DCLK1: variants seen among roughly 807,000 people sequenced by gnomAD.
DCLK1 encodes serine/threonine-protein kinase DCLK1.
Under a neutral mutation model 86.2 loss-of-function variants are expected in DCLK1, and 16 were observed. The observed-to-expected ratio is 0.19, with a 90% CI of 0.13 to 0.28. DCLK1 has a LOEUF of 0.28. DCLK1 is among the 10% of genes least tolerant of loss of function. The pLI is 1.00. For synonymous variants in DCLK1, 369 were observed against 370.5 expected (o/e 1.00, Z 0.05); for missense variants, 590 against 940.2 (o/e 0.63, Z 4.87).
At chr13:35,836,879 A>G (rs1869424139) in intron 7 of DCLK1, among the ~76,000 whole-genome samples, 1 of 152,254 alleles carries the variant, frequency 6.6e-6, no homozygotes, top group African/African-American at 2.4e-5. Flanking sequence ...ATCTAAGGCC[A>G]TAAAACTAAA....
rs11297157 is a variant in DCLK1 at position 36,108,075 on chromosome 13, TAAA to T, written c.723+3791_723+3793del. Among the ~76,000 whole-genome samples, 160 of 148,530 alleles carry T rather than the reference TAAA, an allele frequency of 1.1e-3. 4 individuals carry two copies. The East Asian group carries it at 0.02, about 19-fold the overall frequency. ...GAGGTCTTTAACCAAGGCCCAGATT[TAAA>T]AAAAAAAAAAATGCATCACTGAAAT... On this transcript the variant is annotated intron_variant, in intron 3 of 16. Coordinates refer to ENST00000360631, the MANE Select transcript of DCLK1 (RefSeq NM_001330071.2).
intron 4 of DCLK1, among the ~76,000 whole-genome samples, chr13:35,906,374 A>T (rs1938029730): frequency 6.6e-6 from 1 of 152,136 alleles, no homozygotes; most frequent in Non-Finnish European, 1.5e-5. Flanking sequence ...AATGTCTGTT[A>T]AATGAATAGA....
chr13:36,125,051 G>A (rs184861426), intron 2 of DCLK1, among the ~76,000 whole-genome samples: 11 of 152,198 alleles, frequency 7.2e-5, no homozygotes, highest in Non-Finnish European at 1.3e-4. Context: ...GGCTGCATCC[G>A]TGGACGCAAA....
At chr13:36,054,557 C>A (rs1288832460) in intron 3 of DCLK1, among the ~76,000 whole-genome samples, 1 of 151,986 alleles carries the variant, frequency 6.6e-6, no homozygotes, top group Non-Finnish European at 1.5e-5. Context: ...AACAACCAAC[C>A]AAACAAACAG....
chr13:36,100,179 C>CAAAAAAAAAAAAAA (rs58824322), intron 3 of DCLK1, among the ~76,000 whole-genome samples: 2 of 37,702 alleles, frequency 5.3e-5, no homozygotes, highest in Non-Finnish European at 8.6e-5. Context: ...CCTGTCTCTA[C>CAAAAAAAAAAAAAA]AAAAAAAAAA....
intron 3 of DCLK1, among the ~76,000 whole-genome samples, chr13:36,068,050 A>G (rs1340965219): frequency 6.6e-6 from 1 of 152,248 alleles, no homozygotes; most frequent in Non-Finnish European, 1.5e-5. Flanking sequence ...TTAAGTATTA[A>G]GAACATAACC....
intron 4 of DCLK1, among the ~76,000 whole-genome samples, chr13:35,906,724 G>C (rs1020284262): frequency 6.6e-6 from 1 of 152,160 alleles, no homozygotes; most frequent in African/African-American, 2.4e-5. Context: ...GGAAATCACT[G>C]AAGAGTTATT....
intron 3 of DCLK1, among the ~76,000 whole-genome samples, chr13:35,962,128 A>G (rs1178629887): frequency 1.3e-5 from 2 of 152,160 alleles, no homozygotes; most frequent in South Asian, 2.1e-4. Context: ...ATTTTTTGCA[A>G]TATCTCAGTG....
chr13:35,837,899 C>T (rs1260363235), intron 7 of DCLK1, among the ~76,000 whole-genome samples: 1 of 151,796 alleles, frequency 6.6e-6, no homozygotes, highest in African/African-American at 2.4e-5. Context: ...AATCCCATTT[C>T]TACTAAAAAT....
rs537433476 is a variant in DCLK1 at position 35,853,314 on chromosome 13, G to A, written c.1035+1185C>T. ...AATGGAGACCCAGAAAAGATAATAG[G>A]CTTATCTAAGATACCACGGCCATTT... On this transcript the variant is annotated intron_variant, in intron 6 of 16. Transcript: ENST00000360631. Among the ~76,000 whole-genome samples, 48 of 152,256 alleles carry A rather than the reference G, an allele frequency of 3.2e-4. 1 individual carries two copies. The highest frequency in any genetic ancestry group is 2.5e-3 in the South Asian group (12 of 4,824).
At chr13:36,113,067 A>G (rs1461085482) in intron 2 of DCLK1, among the ~76,000 whole-genome samples, 1 of 152,246 alleles carries the variant, frequency 6.6e-6, no homozygotes, top group African/African-American at 2.4e-5. Flanking sequence ...TTGAAATTAA[A>G]GATTTTGTAA....
intron 3 of DCLK1, among the ~76,000 whole-genome samples, chr13:35,994,956 C>T (rs916390315): frequency 2.3e-4 from 35 of 152,176 alleles, no homozygotes; most frequent in Non-Finnish European, 1.6e-4. Flanking sequence ...CATTAAGGTT[C>T]ATTCAAAAGC....
At chr13:35,998,895 T>C (rs747092559) in intron 3 of DCLK1, among the ~76,000 whole-genome samples, 30 of 152,074 alleles carry the variant, frequency 2.0e-4, no homozygotes, top group Non-Finnish European at 3.8e-4. Context: ...CCAAAATATA[T>C]GAGAATAAGA....
chr13:35,809,041 C>T lies in DCLK1; in HGVS notation c.1743G>A (p.Leu581=). ...ACCCACGGAATGGAGGGAAACCACA[C>T]AGCAGGATATAAGTGATTACACCTG... ...WAAGVITYIL[L]CGFPPFRGSG... Residue 581 remains leucine, a synonymous_variant, in exon 13 of 17, where the codon CTG becomes CTA. Coordinates refer to ENST00000360631, the MANE Select transcript of DCLK1 (RefSeq NM_001330071.2). 6.2e-7 allele frequency: 1 copy of T among 1,612,274 alleles called. No homozygotes were observed. The highest frequency in any genetic ancestry group is 8.5e-7 in the Non-Finnish European group (1 of 1,178,852).
chr13:36,003,183 A>G (rs886976628), intron 3 of DCLK1, among the ~76,000 whole-genome samples: 3 of 152,162 alleles, frequency 2.0e-5, no homozygotes, highest in African/African-American at 7.2e-5. Context: ...TGTGAGCTAA[A>G]TTTTCCAGGC....
intron 3 of DCLK1, among the ~76,000 whole-genome samples, chr13:36,075,597 T>G (rs1276520989): frequency 6.6e-6 from 1 of 152,240 alleles, no homozygotes; most frequent in Non-Finnish European, 1.5e-5. Flanking sequence ...ACTTCTTTAC[T>G]GGAGAGCCTA....
chr13:35,834,675 G>A (rs552451830), intron 8 of DCLK1, among the ~76,000 whole-genome samples: 7 of 152,240 alleles, frequency 4.6e-5, no homozygotes, highest in Non-Finnish European at 8.8e-5. Flanking sequence ...TGGCACAAAT[G>A]TGCCAAATGG....
At chr13:36,080,876 T>C (rs1227181127) in intron 3 of DCLK1, among the ~76,000 whole-genome samples, 1 of 152,078 alleles carries the variant, frequency 6.6e-6, no homozygotes, top group African/African-American at 2.4e-5. Flanking sequence ...CATTTGGCAA[T>C]GCCTAAGAAA....
At chr13:36,067,973 G>A (rs1365505945) in intron 3 of DCLK1, among the ~76,000 whole-genome samples, 3 of 152,146 alleles carry the variant, frequency 2.0e-5, no homozygotes, top group African/African-American at 7.2e-5. Context: ...ATATTAGGGA[G>A]CAAAAAGGAA....
Sources: gnomAD v4.1 joint callset for allele counts (sites outside exome capture counted in the v4.1 genomes callset) on GRCh38, gnomAD v4.1.1 for gene constraint, MANE v1.5 for transcripts, NCBI Gene and HGNC (gene_info 2026-07-23, HGNC 2026-07-21) for gene names.